Variants in CDK6 observed in about 807,000 individuals in gnomAD.
CDK6 encodes the protein cyclin-dependent kinase 6.
A neutral mutation model predicts 37.1 loss-of-function variants in CDK6; 6 were observed. The observed-to-expected ratio is 0.16, with a 90% confidence interval of 0.09 to 0.32. The LOEUF is 0.32. Ranked by LOEUF, CDK6 falls within the 10% of genes least tolerant of loss-of-function variation. The pLI, the probability that CDK6 is intolerant of heterozygous loss-of-function variation, is 1.00. For synonymous variants in CDK6, 160 were observed against 161.3 expected, an observed-to-expected ratio of 0.99 and a Z score of 0.06; for missense variants, 224 against 418.9, an observed-to-expected ratio of 0.53 and a Z score of 4.06.
Position 92,834,030 on chromosome 7 carries a change from G to A in CDK6, c.-367-340C>T, listed in dbSNP as rs1265271208. 1.3e-5 allele frequency: 5 copies of A among 396,768 alleles called. No homozygotes were observed. Among genetic ancestry groups the A allele is most frequent in the Non-Finnish European group, 1.8e-5 (4 of 225,388 alleles). 24.6% of individuals were successfully genotyped at this position (396,768 alleles called of 1,614,324 possible). On this transcript the variant is annotated intron_variant, in intron 1 of 7. Coordinates refer to ENST00000424848, the MANE Select transcript of CDK6 (RefSeq NM_001145306.2). This position sits in a 1 kb window ranked among gnomAD's most constrained non-coding sequence, Gnocchi z 4.6. ...GCGGGGGAGGGGAGGCGCCGGGCAC[G>A]TCAATGTCACGGCTTAATATTTATC...
At chr7:92,836,235 C>G (rs1485741559) in intron 1 of CDK6, among the ~76,000 whole-genome samples, 2 of 151,656 alleles carry the variant, frequency 1.3e-5, no homozygotes, top group African/African-American at 4.8e-5. Context: ...AGGCTGGGAT[C>G]TCCCCCTCTC....
chr7:92,780,890 T>C (rs945706829), intron 2 of CDK6, among the ~76,000 whole-genome samples: 10 of 152,170 alleles, frequency 6.6e-5, no homozygotes, highest in Non-Finnish European at 1.5e-4. Context: ...TTTAAGACTT[T>C]CTAAAACCTT....
At chr7:92,754,173 C>G (rs1562956058) in intron 3 of CDK6, among the ~76,000 whole-genome samples, 1 of 152,138 alleles carries the variant, frequency 6.6e-6, no homozygotes, top group Non-Finnish European at 1.5e-5. Flanking sequence ...TTCTATCCCT[C>G]ACTTAAATAT....
At chr7:92,703,900 C>T (rs1431661938) in intron 4 of CDK6, among the ~76,000 whole-genome samples, 2 of 152,332 alleles carry the variant, frequency 1.3e-5, no homozygotes, top group East Asian at 3.9e-4. Flanking sequence ...AGGTCCCCCA[C>T]AGAGGGGCCT....
In CDK6 at chr7:92,832,047, G is replaced by A. The variant is rs114600214; in HGVS notation, c.233+1044C>T. 5.6e-3 allele frequency among the ~76,000 whole-genome samples: 853 copies of A among 152,284 alleles called. 9 individuals carry two copies. Among genetic ancestry groups the A allele is most frequent in the African/African-American group, 0.019 (796 of 41,550 alleles). The stretch of plus-strand genomic sequence containing the variant: ...GAAGCCCTAAATGGATGAGAAAAAA[G>A]ATATTTCTGCTACACATTTTCTCAA... On this transcript the variant is annotated intron_variant, in intron 2 of 7. Transcript: ENST00000424848.
At chr7:92,827,356 T>A (rs1338018353) in intron 2 of CDK6, among the ~76,000 whole-genome samples, 1 of 152,170 alleles carries the variant, frequency 6.6e-6, no homozygotes, top group Non-Finnish European at 1.5e-5. Flanking sequence ...CAAACTACTA[T>A]AGACAAAGGA....
chr7:92,712,852 A>G (rs1395513752), intron 4 of CDK6, among the ~76,000 whole-genome samples: 1 of 150,566 alleles, frequency 6.6e-6, no homozygotes, highest in East Asian at 1.9e-4. Flanking sequence ...GTATGTATGT[A>G]TGTATGTATG....
chr7:92,621,332 AT>A (rs1355974549), intron 6 of CDK6, among the ~76,000 whole-genome samples: 1 of 152,234 alleles, frequency 6.6e-6, no homozygotes, highest in East Asian at 1.9e-4. Context: ...GCAACCTACG[AT>A]TGTCAGGACT....
rs1343972641 is a variant in CDK6 at position 92,608,455 on chromosome 7, C to CT, written c.*6684dup. 4 of 230,562 alleles carry CT rather than the reference C, an allele frequency of 1.7e-5. No individual in the cohort carries two copies. Among genetic ancestry groups the CT allele is most frequent in the African/African-American group, 8.9e-5 (4 of 45,196 alleles). 14.3% of individuals were successfully genotyped at this position (230,562 alleles called of 1,614,324 possible). A position where few individuals can be genotyped will look rare whatever the true frequency, so the allele number is the denominator to read the frequency against. Reference sequence around the variant, plus strand: ...AGAAAATAAACTTTTCAAAACAAAACTTTTCCAGGCATATCTTTCACCATC... The same window carrying CT: ...AGAAAATAAACTTTTCAAAACAAAACTTTTTCCAGGCATATCTTTCACCATC... On this transcript the variant is annotated 3_prime_UTR_variant, in exon 8 of 8. Transcript: ENST00000424848.
rs146573151 is a variant in CDK6, at chr7:92,635,638, ATAC to A, written c.648-12555_648-12553del. On this transcript the variant is annotated intron_variant, in intron 5 of 7. Coordinates refer to ENST00000424848, the MANE Select transcript of CDK6 (RefSeq NM_001145306.2). ...TTCCAAAGTTATTTATTTTTGCTTA[ATAC>A]TGTATTTCCTTCTCCTTTTTCTCTG... 5.0e-3 allele frequency among the ~76,000 whole-genome samples: 768 copies of A among 152,336 alleles called. 5 individuals are homozygous for A. The highest frequency in any genetic ancestry group is 0.017 in the African/African-American group (721 of 41,572).
At chr7:92,692,885 T>C (rs1240163624) in intron 4 of CDK6, among the ~76,000 whole-genome samples, 1 of 152,218 alleles carries the variant, frequency 6.6e-6, no homozygotes, top group Non-Finnish European at 1.5e-5. Flanking sequence ...TACACAGGAC[T>C]AAGCCTTTCT....
intron 2 of CDK6, among the ~76,000 whole-genome samples, chr7:92,832,869 G>GT (rs887798086): frequency 2.6e-5 from 4 of 152,158 alleles, no homozygotes; most frequent in Admixed American, 2.6e-4. Flanking sequence ...CTCAGGTCAT[G>GT]TTTTTTTGAC....
chr7:92,765,098 T>C (rs1216998765), intron 3 of CDK6, among the ~76,000 whole-genome samples: 5 of 152,186 alleles, frequency 3.3e-5, no homozygotes, highest in Admixed American at 2.0e-4. Flanking sequence ...GTGATGGGAA[T>C]GGGGAAGACA....
chr7:92,613,816 T>C lies in CDK6; in HGVS notation c.*1324A>G, dbSNP rs544216612. Reference sequence around the variant, plus strand: ...CTACTCATTATTTAGGTAACAAAAGTAAACACCAGGTAGAAGGACTGCATT... The same window carrying C: ...CTACTCATTATTTAGGTAACAAAAGCAAACACCAGGTAGAAGGACTGCATT... On this transcript the variant is annotated 3_prime_UTR_variant, in exon 8 of 8. Transcript: ENST00000424848. The C allele has an allele frequency of 4.3e-6, 1 of 233,136 alleles. No homozygotes were observed. The highest frequency in any genetic ancestry group is 1.8e-4 in the South Asian group (1 of 5,522). 14.4% of individuals were successfully genotyped at this position (233,136 alleles called of 1,614,324 possible).
At chr7:92,793,426 T>C (rs1321229008) in intron 2 of CDK6, among the ~76,000 whole-genome samples, 1 of 152,142 alleles carries the variant, frequency 6.6e-6, no homozygotes, top group Non-Finnish European at 1.5e-5. Context: ...AAATATAATT[T>C]AGAGTGCAGA....
chr7:92,770,496 C>T (rs1157775050), intron 3 of CDK6, among the ~76,000 whole-genome samples: 2 of 151,896 alleles, frequency 1.3e-5, no homozygotes, highest in Non-Finnish European at 2.9e-5. Flanking sequence ...TAGAGTTTCC[C>T]CAATAAGTTT....
chr7:92,774,633 G>A (rs2115783111), intron 3 of CDK6, 63 bp downstream of exon 3: 4 of 1,373,228 alleles, frequency 2.9e-6, no homozygotes, highest in Non-Finnish European at 2.9e-6. Context: ...AGGAAAGAAA[G>A]CCATTGCTTA....
At chr7:92,722,079 T>C (rs925238254) in intron 4 of CDK6, among the ~76,000 whole-genome samples, 9 of 152,168 alleles carry the variant, frequency 5.9e-5, no homozygotes, top group Non-Finnish European at 8.8e-5. Context: ...CTCAAAGTTC[T>C]ATATGTAAGA....
At chr7:92,634,253 G>T (rs1376762876) in intron 5 of CDK6, among the ~76,000 whole-genome samples, 4 of 152,080 alleles carry the variant, frequency 2.6e-5, no homozygotes, top group Admixed American at 6.6e-5. Context: ...TTTCCCCCAT[G>T]AAATTGACCA....
Sources: allele counts gnomAD v4.1 joint callset (sites outside exome capture counted in the v4.1 genomes callset), GRCh38; gene constraint gnomAD v4.1.1; non-coding constraint Gnocchi (gnomAD v3.1); transcripts MANE v1.5; gene names NCBI Gene and HGNC (gene_info 2026-07-23, HGNC 2026-07-21).